PCDHA11: variants seen among roughly 807,000 people sequenced by gnomAD.
PCDHA11 encodes protocadherin alpha 11, also known as protocadherin alpha-11.
A neutral mutation model predicts 70.3 loss-of-function variants in PCDHA11; 61 were observed. The observed-to-expected ratio is 0.87, with a 90% CI of 0.71 to 1.07. The LOEUF (loss-of-function observed/expected upper bound fraction) is 1.07. Among genes scored for constraint, PCDHA11 ranks in the 50% least tolerant of loss-of-function variants. PCDHA11 has a pLI of 0.00. For synonymous variants in PCDHA11, 633 were observed against 555.1 expected (o/e 1.14, Z -1.97); for missense variants, 1,324 against 1,237.5 (o/e 1.07, Z -1.05).
intron 1 of PCDHA11, among the ~76,000 whole-genome samples, chr5:140,951,923 T>C (rs538525528): frequency 6.6e-6 from 1 of 152,214 alleles, no homozygotes; most frequent in South Asian, 2.1e-4. Flanking sequence ...ACAAGTTAGT[T>C]ACTCCCAAGA....
At chr5:140,924,751 C>T (rs1554202122) in intron 1 of PCDHA11, among the ~76,000 whole-genome samples, 39 of 151,566 alleles carry the variant, frequency 2.6e-4, no homozygotes, top group Non-Finnish European at 5.2e-4. Context: ...AAAAATTAAC[C>T]GAGCATGGTG....
At chr5:140,969,702 C>A (rs1305755991) in intron 1 of PCDHA11, among the ~76,000 whole-genome samples, 1 of 152,144 alleles carries the variant, frequency 6.6e-6, no homozygotes, top group African/African-American at 2.4e-5. Context: ...TCTGCTGTAT[C>A]ATCTACAGGG....
intron 1 of PCDHA11, chr5:140,966,728 TCCG>T (rs1554228593): frequency 2.8e-6 from 4 of 1,404,870 alleles, no homozygotes; most frequent in Non-Finnish European, 3.7e-6. Flanking sequence ...AGCTGCCGCC[TCCG>T]GCCCTGCCCG....
intron 1 of PCDHA11, among the ~76,000 whole-genome samples, chr5:140,918,569 G>T (rs374823656): frequency 3.9e-5 from 6 of 152,136 alleles, no homozygotes; most frequent in African/African-American, 1.4e-4. Context: ...TGTATATTAT[G>T]CTGCTATTGG....
At chr5:140,872,769 T>C (rs1463790803) in intron 1 of PCDHA11, among the ~76,000 whole-genome samples, 2 of 152,184 alleles carry the variant, frequency 1.3e-5, no homozygotes, top group African/African-American at 2.4e-5. Flanking sequence ...TAGGGCTATA[T>C]TATCTATAAT....
intron 2 of PCDHA11, 165 bp downstream of exon 2, chr5:140,979,172 G>A (rs1406119348): frequency 2.1e-6 from 2 of 959,890 alleles, no homozygotes; most frequent in Admixed American, 1.2e-4. Context: ...TTGAAAGATC[G>A]CAAATGGTCA....
chr5:140,872,160 C>A (rs782612001), intron 1 of PCDHA11, among the ~76,000 whole-genome samples: 10 of 151,070 alleles, frequency 6.6e-5, no homozygotes, highest in African/African-American at 9.8e-5. Context: ...ACATGATTTA[C>A]TTTTCTTTTT....
chr5:140,970,019 A>G (rs1385793747), intron 1 of PCDHA11, among the ~76,000 whole-genome samples: 2 of 152,212 alleles, frequency 1.3e-5, no homozygotes, highest in Non-Finnish European at 2.9e-5. Context: ...ATGGTGAGGC[A>G]GAGAGATTAA....
In PCDHA11 at chr5:140,871,218, G is replaced by C; in HGVS notation, c.2115G>C (p.Val705=). The C allele has an allele frequency of 1.2e-5, 19 of 1,613,884 alleles. No individual in the cohort carries two copies. The highest frequency in any genetic ancestry group is 1.6e-5 in the Non-Finnish European group (19 of 1,179,960). The change falls in exon 1 of 4, where the codon GTG becomes GTC. Residue 705 remains valine, a synonymous_variant. Transcript: ENST00000398640. ...VNVYLIIAIC[V]VSSLLVLTLL... is the part of the protein sequence containing the mutation. ...TGTACCTGATCATCGCCATCTGCGT[G>C]GTGTCCAGCCTCCTGGTACTCACGC...
intron 1 of PCDHA11, among the ~76,000 whole-genome samples, chr5:140,885,230 T>G (rs2060523657): frequency 6.6e-6 from 1 of 152,166 alleles, no homozygotes; most frequent in Non-Finnish European, 1.5e-5. Flanking sequence ...GTGATTCTGC[T>G]TTCAATTTTT....
chr5:140,924,064 G>A (rs1584331926), intron 1 of PCDHA11, among the ~76,000 whole-genome samples: 1 of 152,172 alleles, frequency 6.6e-6, no homozygotes. Context: ...CTTTACAGTT[G>A]TATTTCATCT....
chr5:140,885,516 T>A (rs1235698672), intron 1 of PCDHA11, among the ~76,000 whole-genome samples: 2 of 152,198 alleles, frequency 1.3e-5, no homozygotes, highest in Non-Finnish European at 2.9e-5. Flanking sequence ...TGCTGTGCTA[T>A]CATTTCATAT....
Position 140,871,249 on chromosome 5 carries a change from C to T in PCDHA11, c.2146C>T (p.Leu716=), listed in dbSNP as rs782675743. Residue 716 remains leucine, a synonymous_variant, in exon 1 of 4, where the codon CTG becomes TTG. Transcript: ENST00000398640. ...VSSLLVLTLL[L]YTALWWSATP... is the part of the protein sequence containing the mutation. ...CAGCCTCCTGGTACTCACGCTGCTG[C>T]TGTATACGGCGCTGTGGTGGTCGGC... 1 of 1,613,984 alleles carries T rather than the reference C, an allele frequency of 6.2e-7. No individual in the cohort carries two copies. The highest frequency in any genetic ancestry group is 8.5e-7 in the Non-Finnish European group (1 of 1,179,954).
At chr5:140,972,170 C>G (rs1001419960) in intron 1 of PCDHA11, among the ~76,000 whole-genome samples, 2 of 152,034 alleles carry the variant, frequency 1.3e-5, no homozygotes, top group African/African-American at 4.8e-5. Flanking sequence ...GAGACAGAGT[C>G]TTGGCCTGTC....
intron 1 of PCDHA11, among the ~76,000 whole-genome samples, chr5:140,915,626 G>GTCTCTC (rs57920489): frequency 0.011 from 1,557 of 146,506 alleles, 25 homozygotes; most frequent in African/African-American, 0.018. Flanking sequence ...GTCTCTTTCT[G>GTCTCTC]TCTCTCTCTC....
At chr5:140,985,938 A>G (rs960910585) in intron 3 of PCDHA11, among the ~76,000 whole-genome samples, 8 of 151,748 alleles carry the variant, frequency 5.3e-5, no homozygotes, top group Non-Finnish European at 8.8e-5. Context: ...CCGGGGTTTC[A>G]CTGTGTTAGC....
chr5:140,962,155 G>A (rs977043867), intron 1 of PCDHA11, among the ~76,000 whole-genome samples: 8 of 152,060 alleles, frequency 5.3e-5, no homozygotes, highest in South Asian at 2.1e-4. Flanking sequence ...GATTACAGGC[G>A]TGAGCCACCA....
intron 3 of PCDHA11, among the ~76,000 whole-genome samples, chr5:141,004,523 A>G (rs934216851): frequency 3.3e-5 from 5 of 152,232 alleles, no homozygotes; most frequent in Admixed American, 2.0e-4. Flanking sequence ...CTCTGCCAAT[A>G]CACACAGCCA....
At chr5:140,913,288 T>C (rs1452332608) in intron 1 of PCDHA11, among the ~76,000 whole-genome samples, 1 of 152,172 alleles carries the variant, frequency 6.6e-6, no homozygotes, top group Non-Finnish European at 1.5e-5. Context: ...GTTTAGGTTT[T>C]AATTTCTTCA....
Sources: gnomAD v4.1 joint callset for allele counts (sites outside exome capture counted in the v4.1 genomes callset) on GRCh38, gnomAD v4.1.1 for gene constraint, MANE v1.5 for transcripts, NCBI Gene and HGNC (gene_info 2026-07-23, HGNC 2026-07-21) for gene names.